Variants in HMOX1 observed in about 807,000 individuals in gnomAD.
The protein encoded by HMOX1 is heat shock protein, 32-kD.
HMOX1 carries 22 observed loss-of-function variants against 27.8 expected under a neutral mutation model. The observed-to-expected ratio is 0.79, with a 90% confidence interval of 0.57 to 1.13. The LOEUF is 1.13. Ranked by LOEUF, HMOX1 falls within the 50% of genes most tolerant of loss-of-function variation. The pLI, the probability that HMOX1 is intolerant of heterozygous loss-of-function variation, is 0.00. For synonymous variants in HMOX1, 153 were observed against 151.6 expected, an observed-to-expected ratio of 1.01 and a Z score of -0.07; for missense variants, 379 against 377.7, an observed-to-expected ratio of 1.00 and a Z score of -0.03.
At position 35,381,929 on chromosome 22, in the gene HMOX1, G is replaced by A. The variant is rs553641606; in HGVS notation, c.23+733G>A. ...GAAAAGGGAAAAATGACAATTCTGTGGGGAGGCAGGGATACGGACCCATGA... is the reference window on the plus strand; with the variant it reads ...GAAAAGGGAAAAATGACAATTCTGTAGGGAGGCAGGGATACGGACCCATGA... On this transcript the variant is annotated intron_variant, in intron 1 of 4. Transcript: ENST00000216117. Among the ~76,000 whole-genome samples the A allele has an allele frequency of 4.6e-5, 7 of 152,198 alleles. No individual in the cohort carries two copies. The South Asian group carries it at 1.2e-3, about 27-fold the overall frequency.
intron 3 of HMOX1, 75 bp from the exon 4 acceptor site, chr22:35,389,789 C>A: frequency 2.0e-6 from 2 of 1,008,008 alleles, no homozygotes; most frequent in Non-Finnish European, 3.1e-6. Flanking sequence ...CCTAACACAA[C>A]TTAAGGTCCT....
Position 35,386,962 on chromosome 22 carries a change from T to C in HMOX1, c.422T>C (p.Leu141Pro). 6.2e-7 allele frequency: 1 copy of C among 1,614,060 alleles called. No homozygotes were observed. The highest frequency in any genetic ancestry group is 1.6e-4 in the Middle Eastern group (1 of 6,062). ...GCCTACACCCGCTACCTGGGTGACC[T>C]GTCTGGGGGCCAGGTGCTCAAAAAG... ...AHAYTRYLGDLSGGQVLKKIA... is the reference protein window; with the variant it reads ...AHAYTRYLGDPSGGQVLKKIA... Residue 141 changes from leucine (L) to proline (P), a missense_variant, in exon 3 of 5, where the codon CTG becomes CCG. Coordinates refer to ENST00000216117, the MANE Select transcript of HMOX1 (RefSeq NM_002133.3).
chr22:35,382,533 T>TA (rs1931407871), intron 1 of HMOX1, among the ~76,000 whole-genome samples: 1 of 149,776 alleles, frequency 6.7e-6, no homozygotes, highest in African/African-American at 2.5e-5. Context: ...TTTTTTTTTT[T>TA]TGTATTTTTA....
intron 2 of HMOX1, among the ~76,000 whole-genome samples, chr22:35,386,088 T>C (rs1466333693): frequency 2.0e-5 from 3 of 152,012 alleles, no homozygotes; most frequent in African/African-American, 7.2e-5. Context: ...CCTGAGTAGC[T>C]GGAACTACAG....
intron 3 of HMOX1, 29 bp downstream of exon 3, chr22:35,387,205 C>T: frequency 1.2e-6 from 2 of 1,612,890 alleles, no homozygotes; most frequent in Non-Finnish European, 8.5e-7. Flanking sequence ...GGGGCAGCCT[C>T]TGCCTCCCCC....
In HMOX1 at chr22:35,389,229, C is replaced by CTT. The variant is rs1491152661; in HGVS notation, c.637-633_637-632dup. Among the ~76,000 whole-genome samples the CTT allele has an allele frequency of 5.6e-4, 65 of 117,018 alleles. 1 individual carries two copies. Among genetic ancestry groups the CTT allele is most frequent in the African/African-American group, 2.6e-3 (49 of 19,070 alleles). 76.8% of individuals were successfully genotyped at this position (117,018 alleles called of 152,430 possible). On this transcript the variant is annotated intron_variant, in intron 3 of 4. Coordinates refer to ENST00000216117, the MANE Select transcript of HMOX1 (RefSeq NM_002133.3). ...TCTTTCTTTCTCTCTTTCTTTCTTT[C>CTT]TTTCTTTCTTTTTCTTTCTTTTCTC...
rs753544381 is a variant in HMOX1, at chr22:35,383,136, G to A, written c.54G>A (p.Lys18=). Residue 18 remains lysine (K), a synonymous_variant, in exon 2 of 5, where the codon AAG becomes AAA. Transcript: ENST00000216117. ...CCCAGGATTTGTCAGAGGCCCTGAA[G>A]GAGGCCACCAAGGAGGTGCACACCC... ...SMPQDLSEAL[K]EATKEVHTQA... is the part of the protein sequence containing the mutation. 3.3e-5 allele frequency: 53 copies of A among 1,613,718 alleles called. No individual in the cohort carries two copies. In the Admixed American group the frequency reaches 4.7e-4, roughly 14 times the overall value.
intron 4 of HMOX1, among the ~76,000 whole-genome samples, chr22:35,391,585 C>CATTTTTTTTTTTTTT (rs372077518): frequency 1.8e-5 from 2 of 112,464 alleles, no homozygotes; most frequent in South Asian, 2.9e-4. Flanking sequence ...CCGCGCCCGG[C>CATTTTTTTTTTTTTT]CTTTTTTTTT....
chr22:35,381,158 GC>G lies in HMOX1; in HGVS notation c.-13del. On this transcript the variant is annotated 5_prime_UTR_variant, in exon 1 of 5. Coordinates refer to ENST00000216117, the MANE Select transcript of HMOX1 (RefSeq NM_002133.3). ...CCGCCCGCGGAGCCAGCACGAACGAGCCCAGCACCGGCCGGATGGAGCGTCC... is the reference window on the plus strand; with the variant it reads ...CCGCCCGCGGAGCCAGCACGAACGAGCCAGCACCGGCCGGATGGAGCGTCC... 1 of 1,542,152 alleles carries G rather than the reference GC, an allele frequency of 6.5e-7. No homozygotes were observed.
At chr22:35,381,409 T>G (rs1931386231) in intron 1 of HMOX1, 2 of 620,216 alleles carry the variant, frequency 3.2e-6, no homozygotes, top group Non-Finnish European at 5.7e-6. Context: ...CACCCTGGTA[T>G]GCGGTTGGTG....
chr22:35,386,149 G>C lies in HMOX1; in HGVS notation c.145-536G>C, dbSNP rs562029731. Among the ~76,000 whole-genome samples the C allele has an allele frequency of 2.2e-4, 33 of 151,268 alleles. No homozygotes were observed. The South Asian group carries it at 6.5e-3, about 30-fold the overall frequency. Reference sequence around the variant, plus strand: ...TTTTTTGTATTTTTAATAGAGACGGGGTTTCACCTTGTTAGCCAGGATGGT... The same window carrying C: ...TTTTTTGTATTTTTAATAGAGACGGCGTTTCACCTTGTTAGCCAGGATGGT... On this transcript the variant is annotated intron_variant, in intron 2 of 4. Transcript: ENST00000216117.
At chr22:35,391,461 GTATTTT>G (rs1931717451) in intron 4 of HMOX1, among the ~76,000 whole-genome samples, 1 of 150,702 alleles carries the variant, frequency 6.6e-6, no homozygotes, top group Non-Finnish European at 1.5e-5. Context: ...CTAATTTTTT[GTATTTT>G]TAGTAGAGAC....
chr22:35,391,909 G>A (rs1931734567), intron 4 of HMOX1, among the ~76,000 whole-genome samples: 1 of 151,998 alleles, frequency 6.6e-6, no homozygotes, highest in African/African-American at 2.4e-5. Context: ...ATGTGTGCCT[G>A]TATGTTCTTG....
intron 3 of HMOX1, among the ~76,000 whole-genome samples, chr22:35,389,200 T>C (rs1931588056): frequency 7.9e-6 from 1 of 126,504 alleles, no homozygotes; most frequent in African/African-American, 3.7e-5. Context: ...TTTCTTTCTT[T>C]CTTTCTTTCT....
At chr22:35,390,172 T>C (rs1931677771) in intron 4 of HMOX1, 2 of 601,100 alleles carry the variant, frequency 3.3e-6, no homozygotes, top group Non-Finnish European at 6.0e-6. Flanking sequence ...GCAATCCTCT[T>C]GCCTCTGCCT....
chr22:35,387,394 A>G (rs113013575), intron 3 of HMOX1, among the ~76,000 whole-genome samples: 6 of 152,304 alleles, frequency 3.9e-5, no homozygotes, highest in African/African-American at 1.4e-4. Context: ...TGGTACCTAT[A>G]TCTTAGACTT....
At chr22:35,388,572 A>T (rs566136930) in intron 3 of HMOX1, among the ~76,000 whole-genome samples, 1 of 151,986 alleles carries the variant, frequency 6.6e-6, no homozygotes, top group Admixed American at 6.6e-5. Flanking sequence ...TGGATCACGA[A>T]GTCAGGAGAT....
In HMOX1 at chr22:35,393,544, C is replaced by T; in HGVS notation, c.813C>T (p.Val271=). 1 of 1,614,204 alleles carries T rather than the reference C, an allele frequency of 6.2e-7. No homozygotes were observed. The highest frequency in any genetic ancestry group is 8.5e-7 in the Non-Finnish European group (1 of 1,180,024). ...TRSQAPLLRW[V]LTLSFLVATV... is the part of the protein sequence containing the mutation. ...CCCAGGCTCCGCTTCTCCGATGGGT[C>T]CTTACACTCAGCTTTCTGGTGGCGA... The change falls in exon 5 of 5, where the codon GTC becomes GTT. Residue 271 remains valine, a synonymous_variant. Transcript: ENST00000216117.
At chr22:35,384,164 C>T (rs1569055341) in intron 2 of HMOX1, among the ~76,000 whole-genome samples, 1 of 152,016 alleles carries the variant, frequency 6.6e-6, no homozygotes, top group Admixed American at 6.6e-5. Context: ...GCCCTGAAAC[C>T]TCCGCATCCT....
Sources: gnomAD v4.1 joint callset for allele counts (sites outside exome capture counted in the v4.1 genomes callset) on GRCh38, gnomAD v4.1.1 for gene constraint, MANE v1.5 for transcripts, NCBI Gene and HGNC (gene_info 2026-07-23, HGNC 2026-07-21) for gene names.